KAZN: variants seen among roughly 807,000 people sequenced by gnomAD.
KAZN encodes kazrin, periplakin interacting protein.
KAZN carries 40 observed loss-of-function variants against 87.4 expected under a neutral mutation model. That is an observed-to-expected ratio of 0.46 (90% CI 0.36 to 0.60). KAZN has a LOEUF of 0.60. Among genes scored for constraint, KAZN ranks in the 20% least tolerant of loss-of-function variants. KAZN has a pLI of 0.00. For missense variants in KAZN, 898 were observed against 1,073.9 expected (o/e 0.84, Z 2.29); for synonymous variants, 466 against 458.3 (o/e 1.02, Z -0.22).
chr1:14,127,482 C>G (rs1306092066), intron 1 of KAZN, among the ~76,000 whole-genome samples: 1 of 151,242 alleles, frequency 6.6e-6, no homozygotes, highest in Non-Finnish European at 1.5e-5. Context: ...GTGGTAAAGC[C>G]AGGAGGCCAG....
chr1:14,782,831 C>A (rs1645397911), intron 1 of KAZN, among the ~76,000 whole-genome samples: 1 of 152,108 alleles, frequency 6.6e-6, no homozygotes, highest in South Asian at 2.1e-4. Flanking sequence ...GGCATCCCCC[C>A]AACCTCGCTG....
chr1:14,606,537 C>T (rs1022500507), intron 1 of KAZN, among the ~76,000 whole-genome samples: 2 of 152,122 alleles, frequency 1.3e-5, no homozygotes, highest in African/African-American at 4.8e-5. Context: ...TGTTTCATCT[C>T]TCTTGGGAAG....
intron 1 of KAZN, among the ~76,000 whole-genome samples, chr1:14,792,760 G>A (rs899574142): frequency 9.9e-5 from 15 of 152,162 alleles, no homozygotes; most frequent in East Asian, 3.9e-4. Flanking sequence ...GGCAGATCAC[G>A]AGGTCAGGAG....
intron 2 of KAZN, among the ~76,000 whole-genome samples, chr1:14,478,860 G>T (rs1668918481): frequency 6.6e-6 from 1 of 152,188 alleles, no homozygotes; most frequent in Non-Finnish European, 1.5e-5. Flanking sequence ...TGAGGCAAAG[G>T]CTTGGATACA....
intron 2 of KAZN, among the ~76,000 whole-genome samples, chr1:14,329,549 A>C (rs1480550820): frequency 6.6e-6 from 1 of 152,198 alleles, no homozygotes; most frequent in African/African-American, 2.4e-5. Flanking sequence ...CAATTGGATG[A>C]TCTGGGAAGA....
intron 1 of KAZN, among the ~76,000 whole-genome samples, chr1:14,680,170 A>G (rs543609526): frequency 6.6e-6 from 1 of 152,310 alleles, no homozygotes; most frequent in South Asian, 2.1e-4. Context: ...TGATTCACAT[A>G]CAGTGAAATG....
chr1:15,104,029 G>A lies in KAZN; in HGVS notation c.1888G>A (p.Ala630Thr). The A allele has an allele frequency of 5.0e-6, 8 of 1,613,504 alleles. No individual in the cohort carries two copies. Among genetic ancestry groups the A allele is most frequent in the Non-Finnish European group, 6.8e-6 (8 of 1,179,720 alleles). ...WVRDIDLKEY[A>T]DNLTNSGVHG... ...CCCCTGCCTTTGCCCCCAGGAGTACGCAGACAACCTGACCAACAGCGGCGT... is the reference window on the plus strand; with the variant it reads ...CCCCTGCCTTTGCCCCCAGGAGTACACAGACAACCTGACCAACAGCGGCGT... Residue 630 changes from alanine to threonine, a missense_variant, in exon 13 of 15, where the codon GCA (alanine) becomes ACA (threonine). Coordinates refer to ENST00000376030, the MANE Select transcript of KAZN (RefSeq NM_201628.3).
intron 2 of KAZN, among the ~76,000 whole-genome samples, chr1:15,010,204 T>C (rs953194437): frequency 6.6e-6 from 1 of 152,228 alleles, no homozygotes; most frequent in African/African-American, 2.4e-5. Context: ...TGGAGTTTGC[T>C]AATTGCATCC....
rs1016824690 is a variant in KAZN at position 15,104,076 on chromosome 1, G to A, written c.1935G>A (p.Leu645=). The part of the protein sequence containing the change: ...NSGVHGAVLV[L]EPTFNAEAMA... ...GCGTCCATGGTGCTGTGCTGGTGCT[G>A]GAGCCCACATTCAATGCCGAGGCCA... Residue 645 remains leucine, a synonymous_variant, in exon 13 of 15, where the codon CTG becomes CTA. Coordinates refer to ENST00000376030, the MANE Select transcript of KAZN (RefSeq NM_201628.3). 3.1e-6 allele frequency: 5 copies of A among 1,613,508 alleles called. No individual in the cohort carries two copies. The African/African-American group carries it at 6.7e-5, about 22-fold the overall frequency.
At chr1:14,034,324 G>C (rs975014272) in intron 1 of KAZN, among the ~76,000 whole-genome samples, 1 of 151,988 alleles carries the variant, frequency 6.6e-6, no homozygotes, top group African/African-American at 2.4e-5. Context: ...ACTTTGCAAG[G>C]GTCTCCAGGA....
intron 8 of KAZN, among the ~76,000 whole-genome samples, chr1:15,070,949 C>T (rs558020531): frequency 3.9e-5 from 6 of 152,196 alleles, no homozygotes; most frequent in Non-Finnish European, 8.8e-5. Context: ...CTCCACTGGG[C>T]GGGGCAAAAT....
chr1:14,492,122 T>G (rs1162631986), intron 2 of KAZN, among the ~76,000 whole-genome samples: 1 of 152,140 alleles, frequency 6.6e-6, no homozygotes, highest in African/African-American at 2.4e-5. Flanking sequence ...GGGACAGCAG[T>G]AGATCCTAGA....
At chr1:14,456,068 A>T in intron 2 of KAZN, among the ~76,000 whole-genome samples, 1 of 152,222 alleles carries the variant, frequency 6.6e-6, no homozygotes, top group South Asian at 2.1e-4. Flanking sequence ...ATTTCAAGAC[A>T]AGCTGTGAGT....
chr1:14,622,199 T>C (rs1678749974), intron 1 of KAZN, among the ~76,000 whole-genome samples: 1 of 152,200 alleles, frequency 6.6e-6, no homozygotes, highest in African/African-American at 2.4e-5. Context: ...TTGTAAATGT[T>C]GACCGATCCA....
intron 1 of KAZN, among the ~76,000 whole-genome samples, chr1:14,908,164 G>A (rs1371021422): frequency 6.6e-6 from 1 of 152,238 alleles, no homozygotes; most frequent in Non-Finnish European, 1.5e-5. Flanking sequence ...TTGGGAGGCT[G>A]AGGCAGGAGG....
At chr1:14,216,439 G>C (rs1646958177) in intron 2 of KAZN, among the ~76,000 whole-genome samples, 1 of 152,174 alleles carries the variant, frequency 6.6e-6, no homozygotes, top group Non-Finnish European at 1.5e-5. Context: ...GCAGTATAAA[G>C]ACAAGGGAAA....
At chr1:14,052,450 A>C (rs1050245672) in intron 1 of KAZN, among the ~76,000 whole-genome samples, 6 of 152,332 alleles carry the variant, frequency 3.9e-5, no homozygotes, top group African/African-American at 1.2e-4. Flanking sequence ...CAAGCCATGC[A>C]GGATGCCCTA....
intron 2 of KAZN, among the ~76,000 whole-genome samples, chr1:14,535,903 A>G (rs1212300479): frequency 1.3e-5 from 2 of 152,226 alleles, no homozygotes; most frequent in Admixed American, 1.3e-4. Flanking sequence ...TGTGGGACCA[A>G]ATCAGGAACC....
intron 1 of KAZN, among the ~76,000 whole-genome samples, chr1:14,850,705 C>T (rs768534749): frequency 1.3e-5 from 2 of 152,288 alleles, no homozygotes; most frequent in South Asian, 2.1e-4. Context: ...GCCAGCAGAA[C>T]GTGTTTGAAT....
Sources: allele counts gnomAD v4.1 joint callset (sites outside exome capture counted in the v4.1 genomes callset), GRCh38; gene constraint gnomAD v4.1.1; transcripts MANE v1.5; gene names NCBI Gene and HGNC (gene_info 2026-07-23, HGNC 2026-07-21).